The following BCAS3 variants were observed in gnomAD, a reference collection of about 807,000 sequenced individuals.
BCAS3 encodes the protein BCAS3 microtubule associated cell migration factor.
BCAS3 carries 53 observed loss-of-function variants against 116.1 expected under a neutral mutation model. The ratio of observed to expected loss-of-function variants is 0.46; its 90% CI spans 0.37 to 0.57. The LOEUF is 0.57. BCAS3 is among the 20% of genes least tolerant of loss of function. The pLI is 0.00. For missense variants in BCAS3, 917 were observed against 1,165.4 expected (o/e 0.79, Z 3.10); for synonymous variants, 391 against 408.2 (o/e 0.96, Z 0.51).
intron 6 of BCAS3, among the ~76,000 whole-genome samples, chr17:60,782,594 A>G (rs2144496482): frequency 7.2e-6 from 1 of 138,580 alleles, no homozygotes; most frequent in South Asian, 2.2e-4. Context: ...TATTATTATT[A>G]TTATTATTTT....
intron 22 of BCAS3, among the ~76,000 whole-genome samples, chr17:61,320,009 C>A (rs2055071162): frequency 6.6e-6 from 1 of 151,602 alleles, no homozygotes; most frequent in Admixed American, 6.6e-5. Flanking sequence ...CCTACCTCAG[C>A]CTCCCGAGCA....
At position 61,355,235 on chromosome 17, in the gene BCAS3, A is replaced by G. The variant is rs1035765931; in HGVS notation, c.2426-13092A>G. ...CACATCTGAAATCCAGTCATGATAA[A>G]TCTGGTTTTTGAAACATCTTCTTTG... On this transcript the variant is annotated intron_variant, in intron 22 of 23. Transcript: ENST00000407086. This position sits in a 1 kb window ranked among gnomAD's most constrained non-coding sequence, Gnocchi z 4.2. The G allele has an allele frequency of 6.6e-6, 1 of 152,206 alleles. No homozygotes were observed. The highest frequency in any genetic ancestry group is 1.5e-5 in the Non-Finnish European group (1 of 68,030). 9.4% of individuals were successfully genotyped at this position (152,206 alleles called of 1,614,324 possible).
intron 22 of BCAS3, among the ~76,000 whole-genome samples, chr17:61,289,509 G>T (rs2052168744): frequency 6.6e-6 from 1 of 152,194 alleles, no homozygotes; most frequent in African/African-American, 2.4e-5. Flanking sequence ...GAGCAGGCAG[G>T]CTGGCCAGCA....
Position 61,189,292 on chromosome 17 carries a change from G to A in BCAS3, c.2425+104728G>A, listed in dbSNP as rs998376936. On this transcript the variant is annotated intron_variant, in intron 22 of 23. Transcript: ENST00000407086. This position sits in a 1 kb window ranked among gnomAD's most constrained non-coding sequence, Gnocchi z 4.5. ...CTAGGTAGAGAAGATAAGCATAAGT[G>A]AAGGCACAGTAGCAAGAGAAGCCAT... 4.6e-5 allele frequency among the ~76,000 whole-genome samples: 7 copies of A among 152,306 alleles called. No homozygotes were observed. The highest frequency in any genetic ancestry group is 3.4e-3 in the Middle Eastern group (1 of 294).
At chr17:60,868,468 A>G in intron 7 of BCAS3, 108 bp from the exon 8 acceptor site, 1 of 553,666 alleles carries the variant, frequency 1.8e-6, no homozygotes, top group Non-Finnish European at 2.9e-6. Context: ...CAATTTACTA[A>G]TATCTTGTTA....
In BCAS3 at chr17:61,034,559, A is replaced by G; in HGVS notation, c.1638-107A>G. 2 of 990,098 alleles carry G rather than the reference A, an allele frequency of 2.0e-6. No individual in the cohort carries two copies. Among genetic ancestry groups the G allele is most frequent in the African/African-American group, 1.7e-5 (1 of 60,144 alleles). The allele number at this position is 990,098 out of a possible 1,614,324, so 61.3% of individuals were successfully genotyped here. A position where few individuals can be genotyped will look rare whatever the true frequency, so the allele number is the denominator to read the frequency against. ...TACTTAAGGCAAAATGCATGTTCAT[A>G]CTGGAGGATTTGAATAGGGGTGGAA... On this transcript the variant is annotated intron_variant, in intron 16 of 23. Coordinates refer to ENST00000407086, the MANE Select transcript of BCAS3 (RefSeq NM_017679.5). This position sits in a 1 kb window ranked among gnomAD's most constrained non-coding sequence, Gnocchi z 5.0.
chr17:60,732,754 G>T (rs558515384), intron 5 of BCAS3, among the ~76,000 whole-genome samples: 1 of 152,098 alleles, frequency 6.6e-6, no homozygotes. Flanking sequence ...CAGGAGAATC[G>T]CTTGAACCTG....
chr17:60,951,272 ATAT>A lies in BCAS3; in HGVS notation c.1221+3924_1221+3926del, dbSNP rs1476123089. Among the ~76,000 whole-genome samples, 19 of 152,264 alleles carry A rather than the reference ATAT, an allele frequency of 1.2e-4. No homozygotes were observed. In the East Asian group the frequency reaches 1.3e-3, roughly 11 times the overall value. The stretch of plus-strand genomic sequence containing the variant: ...TATTATATTGTCTAGGAATTCTAAA[ATAT>A]TATGCAACTGTAGTAGTGATAGCTA... On this transcript the variant is annotated intron_variant, in intron 14 of 23. Coordinates refer to ENST00000407086, the MANE Select transcript of BCAS3 (RefSeq NM_017679.5).
intron 12 of BCAS3, among the ~76,000 whole-genome samples, chr17:60,920,992 C>G (rs996300070): frequency 1.2e-4 from 18 of 152,152 alleles, no homozygotes; most frequent in African/African-American, 3.9e-4. Context: ...TTAGTTCAGC[C>G]ACTGTGGAAA....
Position 61,307,941 on chromosome 17 carries a change from C to T in BCAS3, c.2426-60386C>T, listed in dbSNP as rs192149533. Among the ~76,000 whole-genome samples the T allele has an allele frequency of 1.1e-4, 17 of 152,312 alleles. No homozygotes were observed. The highest frequency in any genetic ancestry group is 2.4e-4 in the Non-Finnish European group (16 of 68,026). The stretch of plus-strand genomic sequence containing the variant: ...AGTATACACCTTGACAATGTGGAGA[C>T]TCAAGATTTTCCAAGCACTCATTAA... On this transcript the variant is annotated intron_variant, in intron 22 of 23. Coordinates refer to ENST00000407086, the MANE Select transcript of BCAS3 (RefSeq NM_017679.5). The surrounding 1 kb of genome is among the most constrained non-coding windows in gnomAD (Gnocchi z 4.7).
chr17:60,888,741 A>G (rs1446834431), intron 9 of BCAS3, among the ~76,000 whole-genome samples: 1 of 152,232 alleles, frequency 6.6e-6, no homozygotes, highest in Non-Finnish European at 1.5e-5. Context: ...AGCATGAATG[A>G]ACAGTTTTTT....
chr17:60,685,581 C>T (rs565701386), intron 3 of BCAS3, among the ~76,000 whole-genome samples: 70 of 152,048 alleles, frequency 4.6e-4, no homozygotes, highest in African/African-American at 3.9e-4. Flanking sequence ...TGTGTAAACT[C>T]GGGTTAATCA....
Position 60,990,384 on chromosome 17 carries a change from T to G in BCAS3, c.1486+149T>G. On this transcript the variant is annotated intron_variant, in intron 15 of 23. Transcript: ENST00000407086. This position sits in a 1 kb window ranked among gnomAD's most constrained non-coding sequence, Gnocchi z 5.1. ...ATGAAATTCTTAATTATTAAATAAT[T>G]TAATAAATTGGAGCCAGTATAGTAA... is the stretch of plus-strand genomic sequence containing the variant. The G allele has an allele frequency of 1.1e-6, 1 of 873,056 alleles. No individual in the cohort carries two copies. The highest frequency in any genetic ancestry group is 2.2e-5 in the South Asian group (1 of 45,166). The allele number at this position is 873,056 out of a possible 1,614,324, so 54.1% of individuals were successfully genotyped here. A position where few individuals can be genotyped will look rare whatever the true frequency, so the allele number is the denominator to read the frequency against.
At chr17:61,027,915 G>T (rs186631643) in intron 16 of BCAS3, among the ~76,000 whole-genome samples, 3 of 151,932 alleles carry the variant, frequency 2.0e-5, no homozygotes, top group Non-Finnish European at 3.0e-5. Flanking sequence ...TGTTTCAAAA[G>T]AAGCTTATTT....
intron 9 of BCAS3, among the ~76,000 whole-genome samples, chr17:60,878,909 A>C (rs2055863881): frequency 6.6e-6 from 1 of 152,182 alleles, no homozygotes; most frequent in African/African-American, 2.4e-5. Flanking sequence ...CAGATTTTTA[A>C]AATTAAGGAA....
At chr17:60,955,930 A>G (rs1337170933) in intron 14 of BCAS3, among the ~76,000 whole-genome samples, 1 of 152,002 alleles carries the variant, frequency 6.6e-6, no homozygotes, top group East Asian at 1.9e-4. Context: ...TTTGATTTTG[A>G]TTTGTTATTG....
rs935689734 is a variant in BCAS3, at chr17:61,217,878, T to G, written c.2425+133314T>G. On this transcript the variant is annotated intron_variant, in intron 22 of 23. Coordinates refer to ENST00000407086, the MANE Select transcript of BCAS3 (RefSeq NM_017679.5). This position sits in a 1 kb window ranked among gnomAD's most constrained non-coding sequence, Gnocchi z 5.2. ...GCGTCGGACTTCTCTGTAACAACAG[T>G]CTTGGTGGCTGACTTTGTTGCTCCT... 6.6e-6 allele frequency among the ~76,000 whole-genome samples: 1 copy of G among 152,116 alleles called. No homozygotes were observed. The highest frequency in any genetic ancestry group is 1.5e-5 in the Non-Finnish European group (1 of 68,024).
At chr17:61,154,015 A>G (rs1046195168) in intron 22 of BCAS3, among the ~76,000 whole-genome samples, 1 of 152,216 alleles carries the variant, frequency 6.6e-6, no homozygotes, top group African/African-American at 2.4e-5. Flanking sequence ...GGAGAAAACA[A>G]CAATCCATTG....
chr17:60,771,554 T>C (rs2044706607), intron 6 of BCAS3, among the ~76,000 whole-genome samples: 1 of 90,110 alleles, frequency 1.1e-5, no homozygotes, highest in Non-Finnish European at 1.9e-5. Context: ...GACGGGTATC[T>C]TTTTTTTTTA....
Sources: allele counts gnomAD v4.1 joint callset (sites outside exome capture counted in the v4.1 genomes callset), GRCh38; gene constraint gnomAD v4.1.1; non-coding constraint Gnocchi (gnomAD v3.1); transcripts MANE v1.5; gene names NCBI Gene and HGNC (gene_info 2026-07-23, HGNC 2026-07-21).